Variants in MCF2L observed in about 807,000 individuals in gnomAD.
MCF2L encodes MCF.2 cell line derived transforming sequence like.
A neutral mutation model predicts 153.4 loss-of-function variants in MCF2L; 97 were observed. The observed-to-expected ratio is 0.63, with a 90% CI of 0.54 to 0.75. The LOEUF (loss-of-function observed/expected upper bound fraction) is 0.75. Among genes scored for constraint, MCF2L ranks in the 30% least tolerant of loss-of-function variants. MCF2L has a pLI of 0.00. For missense variants in MCF2L, 1,347 were observed against 1,495.2 expected (o/e 0.90, Z 1.64); for synonymous variants, 659 against 632.2 (o/e 1.04, Z -0.64).
At chr13:112,911,337 C>T (rs929283536) in intron 2 of MCF2L, among the ~76,000 whole-genome samples, 4 of 152,224 alleles carry the variant, frequency 2.6e-5, no homozygotes, top group Non-Finnish European at 5.9e-5. Flanking sequence ...CCTTGGGTCC[C>T]GGGGTCTGTC....
chr13:112,970,502 C>T (rs1187149547), intron 1 of MCF2L, among the ~76,000 whole-genome samples: 3 of 152,156 alleles, frequency 2.0e-5, no homozygotes, highest in African/African-American at 7.2e-5. Context: ...CGTCTGCTCC[C>T]TGATTCTTAG....
At chr13:112,986,217 A>T (rs370731899) in intron 1 of MCF2L, among the ~76,000 whole-genome samples, 11 of 150,252 alleles carry the variant, frequency 7.3e-5, no homozygotes, top group African/African-American at 2.5e-4. Context: ...CTCTGTGAGG[A>T]TGGGGCCGCG....
intron 7 of MCF2L, among the ~76,000 whole-genome samples, chr13:113,065,757 A>G (rs2141839942): frequency 6.6e-6 from 1 of 152,304 alleles, no homozygotes; most frequent in South Asian, 2.1e-4. Context: ...GACCAGGAGC[A>G]GGCACCATGA....
chr13:113,026,898 T>C (rs1326256136), intron 3 of MCF2L: 1 of 761,044 alleles, frequency 1.3e-6, no homozygotes, highest in African/African-American at 1.7e-5. Context: ...ATCAGGCCGG[T>C]GAGCTGCAGG....
In MCF2L at chr13:113,074,314, C is replaced by G. The variant is rs2033215882; in HGVS notation, c.997-130C>G. On this transcript the variant is annotated intron_variant, in intron 9 of 29. Coordinates refer to ENST00000535094, the MANE Select transcript of MCF2L (RefSeq NM_001112732.3). The surrounding 1 kb of genome is among the most constrained non-coding windows in gnomAD (Gnocchi z 4.2). Reference sequence around the variant, plus strand: ...GACTTTGCACCTGTCTGACTGTGGTCCCTGCTTGATTGATGACCACTTGGC... The same window carrying G: ...GACTTTGCACCTGTCTGACTGTGGTGCCTGCTTGATTGATGACCACTTGGC... 1 of 1,180,892 alleles carries G rather than the reference C, an allele frequency of 8.5e-7. No individual in the cohort carries two copies. The highest frequency in any genetic ancestry group is 1.2e-6 in the Non-Finnish European group (1 of 819,074). The allele number at this position is 1,180,892 out of a possible 1,614,324, so 73.2% of individuals were successfully genotyped here.
rs553267212 is a variant in MCF2L at position 113,070,357 on chromosome 13, G to A, written c.996+184G>A. 4.3e-6 allele frequency: 2 copies of A among 466,002 alleles called. No individual in the cohort carries two copies. Among genetic ancestry groups the A allele is most frequent in the South Asian group, 3.0e-5 (1 of 33,408 alleles). The allele number at this position is 466,002 out of a possible 1,614,324, so 28.9% of individuals were successfully genotyped here. On this transcript the variant is annotated intron_variant, in intron 9 of 29. Coordinates refer to ENST00000535094, the MANE Select transcript of MCF2L (RefSeq NM_001112732.3). This position sits in a 1 kb window ranked among gnomAD's most constrained non-coding sequence, Gnocchi z 5.6. ...AGTCAGGCTGAGCCTTGAAATGCACGATTGATGACTGCGTCATTGTATAGA... is the reference window on the plus strand; with the variant it reads ...AGTCAGGCTGAGCCTTGAAATGCACAATTGATGACTGCGTCATTGTATAGA...
intron 2 of MCF2L, among the ~76,000 whole-genome samples, chr13:112,913,363 A>C (rs2081256327): frequency 6.6e-6 from 1 of 152,106 alleles, no homozygotes; most frequent in African/African-American, 2.4e-5. Flanking sequence ...CCAGAACAGA[A>C]CATTATCACT....
At chr13:112,980,608 G>A (rs982043333) in intron 1 of MCF2L, among the ~76,000 whole-genome samples, 4 of 102,714 alleles carry the variant, frequency 3.9e-5, no homozygotes, top group Admixed American at 1.9e-4. Context: ...GCCACCATGC[G>A]CAGGAGAGCC....
intron 2 of MCF2L, among the ~76,000 whole-genome samples, chr13:113,024,355 A>T (rs952882220): frequency 1.5e-4 from 23 of 152,102 alleles, no homozygotes; most frequent in Non-Finnish European, 2.5e-4. Context: ...ACAAGGTTAA[A>T]AAAGCCCATA....
intron 1 of MCF2L, chr13:113,001,627 C>T (rs2083381275): frequency 1.6e-6 from 2 of 1,235,078 alleles, no homozygotes; most frequent in South Asian, 2.5e-5. Flanking sequence ...AACCTGAAGC[C>T]TCCCTGGCCG....
At chr13:113,040,585 T>A in intron 3 of MCF2L, 1 of 152,790 alleles carries the variant, frequency 6.5e-6, no homozygotes, top group Non-Finnish European at 1.5e-5. Flanking sequence ...CCTCAGCGCC[T>A]CCTGGCCACG....
intron 2 of MCF2L, chr13:112,909,456 C>G (rs1180368804): frequency 1.6e-6 from 1 of 627,542 alleles, no homozygotes; most frequent in Non-Finnish European, 2.9e-6. Flanking sequence ...GCGTCCTGTG[C>G]AAACGTCTTC....
intron 1 of MCF2L, among the ~76,000 whole-genome samples, chr13:112,995,835 G>C (rs1278209973): frequency 6.6e-6 from 1 of 152,182 alleles, no homozygotes; most frequent in African/African-American, 2.4e-5. Context: ...GTGAGCAGGC[G>C]TGGCCCGGAA....
At chr13:112,980,595 A>G (rs2082374296) in intron 1 of MCF2L, among the ~76,000 whole-genome samples, 1 of 100,234 alleles carries the variant, frequency 1.0e-5, no homozygotes, top group South Asian at 3.3e-4. Flanking sequence ...GCCAGCCAGG[A>G]GGGCCACCAT....
chr13:112,944,126 G>T (rs1032427826), intron 2 of MCF2L, among the ~76,000 whole-genome samples: 1 of 150,736 alleles, frequency 6.6e-6, no homozygotes, highest in African/African-American at 2.4e-5. Context: ...GCCGTGAGGG[G>T]AGGGGAAGAT....
intron 2 of MCF2L, among the ~76,000 whole-genome samples, chr13:112,934,330 G>T (rs1337783250): frequency 6.6e-6 from 1 of 152,222 alleles, no homozygotes; most frequent in Non-Finnish European, 1.5e-5. Context: ...AGAGGGACCT[G>T]CCCTGAGCCA....
At chr13:113,057,302 G>C (rs1197536580) in intron 4 of MCF2L, among the ~76,000 whole-genome samples, 1 of 146,396 alleles carries the variant, frequency 6.8e-6, no homozygotes, top group Non-Finnish European at 1.5e-5. Context: ...TGTGGGTGCT[G>C]AATGGGTGCT....
upstream of MCF2L, chr13:112,967,998 T>G: frequency 5.2e-6 from 1 of 191,398 alleles, no homozygotes; most frequent in South Asian, 8.5e-5. Context: ...TGCTGGCGCA[T>G]GTGCACATGT....
intron 2 of MCF2L, among the ~76,000 whole-genome samples, chr13:112,929,416 C>G (rs2081439481): frequency 6.6e-6 from 1 of 152,220 alleles, no homozygotes; most frequent in African/African-American, 2.4e-5. Context: ...CACTTATAGG[C>G]CAGGAAATGG....
Sources: allele counts gnomAD v4.1 joint callset (sites outside exome capture counted in the v4.1 genomes callset), GRCh38; gene constraint gnomAD v4.1.1; non-coding constraint Gnocchi (gnomAD v3.1); transcripts MANE v1.5; gene names NCBI Gene and HGNC (gene_info 2026-07-23, HGNC 2026-07-21).